DNAJC1: variants seen among roughly 807,000 people sequenced by gnomAD.
The protein encoded by DNAJC1 is dnaJ homolog subfamily C member 1.
In DNAJC1, 58 loss-of-function variants were observed where a neutral mutation model predicts 76.6. The observed-to-expected ratio is 0.76, with a 90% CI of 0.61 to 0.94. The LOEUF (loss-of-function observed/expected upper bound fraction) is 0.94, where lower values mean the gene tolerates loss of function less well. DNAJC1 is among the 40% of genes least tolerant of loss of function. The probability of loss-of-function intolerance (pLI) is 0.00; values close to 1 mark genes in which losing one functional copy is unlikely to be tolerated. For missense variants in DNAJC1, 689 were observed against 677.3 expected (o/e 1.02, Z -0.19); for synonymous variants, 258 against 267.9 (o/e 0.96, Z 0.36).
chr10:21,804,948 G>C (rs1392126769), intron 9 of DNAJC1, among the ~76,000 whole-genome samples: 1 of 152,022 alleles, frequency 6.6e-6, no homozygotes, highest in Non-Finnish European at 1.5e-5. Context: ...CCAACGTGAC[G>C]GATTAGAGAT....
intron 7 of DNAJC1, among the ~76,000 whole-genome samples, chr10:21,899,375 G>T (rs933725042): frequency 6.6e-6 from 1 of 152,194 alleles, no homozygotes; most frequent in Non-Finnish European, 1.5e-5. Flanking sequence ...GGCACCTCAC[G>T]AGTTAAGACC....
intron 1 of DNAJC1, among the ~76,000 whole-genome samples, chr10:21,949,817 T>C (rs141090595): frequency 1.1e-3 from 170 of 152,124 alleles, no homozygotes; most frequent in African/African-American, 3.9e-3. Flanking sequence ...TGATATTTCA[T>C]GGAATATAAT....
chr10:21,930,450 A>C (rs535197524), intron 1 of DNAJC1, among the ~76,000 whole-genome samples: 1 of 152,232 alleles, frequency 6.6e-6, no homozygotes, highest in Non-Finnish European at 1.5e-5. Flanking sequence ...CCAAACCAAC[A>C]CAAAAAATCT....
At chr10:21,978,861 C>A (rs1838106272) in intron 1 of DNAJC1, among the ~76,000 whole-genome samples, 1 of 152,018 alleles carries the variant, frequency 6.6e-6, no homozygotes, top group Non-Finnish European at 1.5e-5. Flanking sequence ...TCAGAAACAT[C>A]TAAGGCTATA....
intron 8 of DNAJC1, among the ~76,000 whole-genome samples, chr10:21,857,482 G>C (rs941210482): frequency 1.4e-4 from 21 of 152,054 alleles, no homozygotes; most frequent in Admixed American, 6.6e-5. Context: ...ATTAACCAGA[G>C]AAATTTTTTG....
intron 7 of DNAJC1, among the ~76,000 whole-genome samples, chr10:21,901,086 C>T (rs1836645132): frequency 6.6e-6 from 1 of 152,176 alleles, no homozygotes; most frequent in South Asian, 2.1e-4. Context: ...ACCCTTACTT[C>T]AGTCCCTTTC....
chr10:21,938,401 G>A (rs1352155246), intron 1 of DNAJC1, among the ~76,000 whole-genome samples: 1 of 151,176 alleles, frequency 6.6e-6, no homozygotes, highest in Admixed American at 6.6e-5. Flanking sequence ...TTCCATGGTT[G>A]CTATCCTAAG....
chr10:21,855,269 C>T (rs1835816313), intron 8 of DNAJC1, among the ~76,000 whole-genome samples: 2 of 152,088 alleles, frequency 1.3e-5, no homozygotes, highest in East Asian at 3.9e-4. Flanking sequence ...CAAAAGAACT[C>T]TGAAGTGTAT....
chr10:21,902,601 G>A (rs190809616), intron 7 of DNAJC1, among the ~76,000 whole-genome samples: 10 of 152,220 alleles, frequency 6.6e-5, no homozygotes, highest in Admixed American at 4.6e-4. Flanking sequence ...CACTGTGCCC[G>A]GCCAAGAGGA....
chr10:21,850,067 G>A (rs1361000945), intron 8 of DNAJC1, among the ~76,000 whole-genome samples: 1 of 152,124 alleles, frequency 6.6e-6, no homozygotes, highest in Non-Finnish European at 1.5e-5. Context: ...ACAAGATAAG[G>A]ATGCCCACTT....
chr10:21,977,660 T>C (rs1838087566), intron 1 of DNAJC1, among the ~76,000 whole-genome samples: 2 of 152,176 alleles, frequency 1.3e-5, no homozygotes, highest in African/African-American at 4.8e-5. Flanking sequence ...ATTAAGCTTT[T>C]TTCACATTAA....
At chr10:21,793,483 A>T (rs1239466210) in intron 9 of DNAJC1, among the ~76,000 whole-genome samples, 1 of 152,246 alleles carries the variant, frequency 6.6e-6, no homozygotes, top group East Asian at 1.9e-4. Context: ...GATATTAAGT[A>T]AATAAATGGA....
At chr10:21,804,625 T>G in intron 9 of DNAJC1, among the ~76,000 whole-genome samples, 1 of 143,770 alleles carries the variant, frequency 7.0e-6, no homozygotes, top group Non-Finnish European at 1.5e-5. Context: ...TCTTTTCTAG[T>G]AACTCAAGAT....
intron 9 of DNAJC1, among the ~76,000 whole-genome samples, chr10:21,770,213 C>T (rs947228615): frequency 6.6e-6 from 1 of 152,086 alleles, no homozygotes; most frequent in Non-Finnish European, 1.5e-5. Flanking sequence ...ACTAATATAA[C>T]ACTTTCTAAC....
At chr10:21,997,138 G>A (rs529533134) in intron 1 of DNAJC1, among the ~76,000 whole-genome samples, 7 of 152,014 alleles carry the variant, frequency 4.6e-5, no homozygotes, top group Non-Finnish European at 7.4e-5. Flanking sequence ...AAGAATCACT[G>A]GACAAAATTG....
At chr10:21,834,872 C>A (rs145334185) in intron 8 of DNAJC1, among the ~76,000 whole-genome samples, 6,963 of 152,308 alleles carry the variant, frequency 0.046, 330 homozygotes, top group African/African-American at 0.12. Flanking sequence ...AGGACGCCTG[C>A]CTACCTCTGT....
At chr10:21,959,081 T>C (rs956230659) in intron 1 of DNAJC1, among the ~76,000 whole-genome samples, 1 of 152,166 alleles carries the variant, frequency 6.6e-6, no homozygotes, top group Non-Finnish European at 1.5e-5. Context: ...AATATCCTGA[T>C]AGTTTAACAG....
intron 8 of DNAJC1, among the ~76,000 whole-genome samples, chr10:21,833,189 T>A (rs1227595607): frequency 6.6e-6 from 1 of 152,206 alleles, no homozygotes; most frequent in East Asian, 1.9e-4. Context: ...GCATGAGTTC[T>A]GGCTGGGCGC....
intron 1 of DNAJC1, among the ~76,000 whole-genome samples, chr10:21,940,921 G>C (rs930455954): frequency 6.6e-6 from 1 of 151,908 alleles, no homozygotes; most frequent in Admixed American, 6.6e-5. Context: ...GAGAAAGAGA[G>C]AGAGGACAGA....
Sources: gnomAD v4.1 joint callset for allele counts (sites outside exome capture counted in the v4.1 genomes callset) on GRCh38, gnomAD v4.1.1 for gene constraint, MANE v1.5 for transcripts, NCBI Gene and HGNC (gene_info 2026-07-23, HGNC 2026-07-21) for gene names.